The following RASA2 variants were observed in gnomAD, a reference collection of about 807,000 sequenced individuals.
RASA2 encodes the protein ras GTPase-activating protein 2.
Under a neutral mutation model 118.2 loss-of-function variants are expected in RASA2, and 155 were observed. The observed-to-expected ratio is 1.31, with a 90% CI of 1.15 to 1.50. The LOEUF (loss-of-function observed/expected upper bound fraction) is 1.50. RASA2 is among the 40% of genes most tolerant of loss of function. The pLI is 0.00. For missense variants in RASA2, 1,016 were observed against 1,009.6 expected (o/e 1.01, Z -0.09); for synonymous variants, 353 against 349.1 (o/e 1.01, Z -0.12).
At chr3:141,606,283 T>C (rs1215822133) in intron 19 of RASA2, among the ~76,000 whole-genome samples, 3 of 152,166 alleles carry the variant, frequency 2.0e-5, no homozygotes, top group Non-Finnish European at 4.4e-5. Context: ...TATAATCTCG[T>C]CTGATTCTAG....
chr3:141,532,334 G>A (rs1450827450), intron 4 of RASA2, among the ~76,000 whole-genome samples: 1 of 152,026 alleles, frequency 6.6e-6, no homozygotes, highest in Non-Finnish European at 1.5e-5. Flanking sequence ...TAGATTAGGA[G>A]TATCACTTAA....
chr3:141,557,493 TTGTG>T (rs1419174734), intron 7 of RASA2, among the ~76,000 whole-genome samples: 1 of 152,156 alleles, frequency 6.6e-6, no homozygotes, highest in Non-Finnish European at 1.5e-5. Flanking sequence ...TTTACTGGGC[TTGTG>T]TAAGGAAATA....
chr3:141,487,757 A>G (rs770884507), intron 1 of RASA2, among the ~76,000 whole-genome samples: 11 of 151,900 alleles, frequency 7.2e-5, no homozygotes, highest in Non-Finnish European at 1.2e-4. Flanking sequence ...GAGAGGTTGA[A>G]AAAGGCGCCC....
chr3:141,591,472 T>G (rs1446024685), intron 19 of RASA2, among the ~76,000 whole-genome samples: 1 of 152,160 alleles, frequency 6.6e-6, no homozygotes, highest in East Asian at 1.9e-4. Context: ...CCCCTAGTCT[T>G]TAAGATCCTC....
intron 9 of RASA2, among the ~76,000 whole-genome samples, chr3:141,567,157 T>A (rs1039702544): frequency 1.3e-5 from 2 of 152,194 alleles, no homozygotes; most frequent in African/African-American, 4.8e-5. Context: ...GGCTTACACC[T>A]GTAATCCCAG....
chr3:141,550,901 A>G (rs2082564882), intron 5 of RASA2, among the ~76,000 whole-genome samples: 1 of 152,204 alleles, frequency 6.6e-6, no homozygotes. Flanking sequence ...CTCCTCCCCC[A>G]AAGTCTTAGC....
chr3:141,519,205 T>C (rs138330296), intron 3 of RASA2, among the ~76,000 whole-genome samples: 111 of 152,292 alleles, frequency 7.3e-4, no homozygotes, highest in Middle Eastern at 3.4e-3. Context: ...ATAAATGTTG[T>C]ACTAATTTAC....
intron 9 of RASA2, among the ~76,000 whole-genome samples, chr3:141,564,176 A>G (rs901164385): frequency 1.3e-5 from 2 of 152,166 alleles, no homozygotes; most frequent in African/African-American, 4.8e-5. Flanking sequence ...GAACAATGCT[A>G]TGTTAAGACT....
At chr3:141,564,341 C>T (rs2082784509) in intron 9 of RASA2, among the ~76,000 whole-genome samples, 1 of 152,118 alleles carries the variant, frequency 6.6e-6, no homozygotes, top group South Asian at 2.1e-4. Context: ...AGTTCAGAGA[C>T]ACTGTTTAAG....
rs1192119470 is a variant in RASA2 at position 141,516,435 on chromosome 3, T to A, written c.355+4T>A. The A allele has an allele frequency of 2.1e-6, 3 of 1,444,360 alleles. No individual in the cohort carries two copies. In the East Asian group the frequency reaches 7.8e-5, roughly 37 times the overall value. The allele number at this position is 1,444,360 out of a possible 1,614,324, so 89.5% of individuals were successfully genotyped here. A position where few individuals can be genotyped will look rare whatever the true frequency, so the allele number is the denominator to read the frequency against. On this transcript the variant is annotated splice_donor_region_variant and intron_variant, in intron 3 of 23. Transcript: ENST00000286364. Reference sequence around the variant, plus strand: ...TTACAAAGAGATCTCCGTATAGGTATGTACTATTCATAATTATCTTTAATC... The same window carrying A: ...TTACAAAGAGATCTCCGTATAGGTAAGTACTATTCATAATTATCTTTAATC...
chr3:141,572,201 C>T (rs1408702868), intron 11 of RASA2, among the ~76,000 whole-genome samples: 1 of 151,932 alleles, frequency 6.6e-6, no homozygotes, highest in Non-Finnish European at 1.5e-5. Context: ...AAGCGATTCT[C>T]ATGCCTCAGC....
chr3:141,554,518 G>A (rs2151114447), intron 6 of RASA2, among the ~76,000 whole-genome samples: 1 of 152,206 alleles, frequency 6.6e-6, no homozygotes, highest in South Asian at 2.1e-4. Context: ...TTGTAATACG[G>A]TGTGTTATAT....
intron 1 of RASA2, among the ~76,000 whole-genome samples, chr3:141,491,046 G>A (rs1393615849): frequency 6.6e-6 from 1 of 152,198 alleles, no homozygotes; most frequent in Admixed American, 6.5e-5. Flanking sequence ...GTTTCCAGGT[G>A]TACAAAGCTG....
At position 141,555,863 on chromosome 3, in the gene RASA2, TAAA is replaced by T. The variant is rs748467954; in HGVS notation, c.636_638del (p.Lys215del). On this transcript the variant is annotated inframe_deletion, in exon 7 of 24. Transcript: ENST00000286364. ...AGGAATGACCAAAAGAAGACAAAAG[TAAA>T]GAAGAAAACAAGCAATCCGCAGTTT... 6.2e-7 allele frequency: 1 copy of T among 1,612,716 alleles called. No homozygotes were observed. The highest frequency in any genetic ancestry group is 1.1e-5 in the South Asian group (1 of 90,998).
chr3:141,511,525 A>G (rs1417711191), intron 1 of RASA2, among the ~76,000 whole-genome samples: 2 of 152,178 alleles, frequency 1.3e-5, no homozygotes, highest in Non-Finnish European at 1.5e-5. Context: ...AGGGATATTT[A>G]TGTTCACTTG....
At chr3:141,514,135 A>G (rs1023124070) in intron 2 of RASA2, among the ~76,000 whole-genome samples, 1 of 152,164 alleles carries the variant, frequency 6.6e-6, no homozygotes, top group African/African-American at 2.4e-5. Context: ...TTAAATGGCA[A>G]GCCACACCTG....
chr3:141,601,283 T>C (rs1247693246), intron 19 of RASA2, among the ~76,000 whole-genome samples: 1 of 151,998 alleles, frequency 6.6e-6, no homozygotes, highest in Non-Finnish European at 1.5e-5. Context: ...AAAAATTAGC[T>C]GTGCATGGTG....
chr3:141,548,829 G>A (rs1560024234), intron 5 of RASA2, among the ~76,000 whole-genome samples: 1 of 151,848 alleles, frequency 6.6e-6, no homozygotes, highest in South Asian at 2.1e-4. Context: ...ATCTTTTTCC[G>A]TGACCTATTG....
chr3:141,502,308 A>T (rs1024269279), intron 1 of RASA2, among the ~76,000 whole-genome samples: 1 of 152,148 alleles, frequency 6.6e-6, no homozygotes, highest in Non-Finnish European at 1.5e-5. Flanking sequence ...TGTTACCTTA[A>T]TGTAGGCTCT....
Sources: allele counts gnomAD v4.1 joint callset (sites outside exome capture counted in the v4.1 genomes callset), GRCh38; gene constraint gnomAD v4.1.1; transcripts MANE v1.5; gene names NCBI Gene and HGNC (gene_info 2026-07-23, HGNC 2026-07-21).